Variants in ASAP1 observed in about 807,000 individuals in gnomAD.
ASAP1 encodes arf-GAP with SH3 domain, ANK repeat and PH domain-containing protein 1.
In ASAP1, 43 loss-of-function variants were observed where a neutral mutation model predicts 145.2. The ratio of observed to expected loss-of-function variants is 0.30; its 90% CI spans 0.23 to 0.38. ASAP1 has a LOEUF of 0.38. Ranked by LOEUF, ASAP1 falls within the 10% of genes least tolerant of loss-of-function variation. The pLI is 1.00. For synonymous variants in ASAP1, 546 were observed against 515.5 expected (o/e 1.06, Z -0.80); for missense variants, 1,018 against 1,355.3 (o/e 0.75, Z 3.91).
chr8:130,320,826 A>C (rs1453418563), intron 3 of ASAP1, among the ~76,000 whole-genome samples: 1 of 152,092 alleles, frequency 6.6e-6, no homozygotes, highest in African/African-American at 2.4e-5. Flanking sequence ...ATCCCAAACC[A>C]CTGATCAGAT....
chr8:130,324,319 G>A (rs762068288), intron 3 of ASAP1, among the ~76,000 whole-genome samples: 11 of 152,212 alleles, frequency 7.2e-5, no homozygotes, highest in Non-Finnish European at 1.6e-4. Flanking sequence ...TCATGGGTAA[G>A]GAAACAGCAG....
intron 25 of ASAP1, chr8:130,083,269 TTA>T (rs752940491): frequency 1.3e-5 from 2 of 152,234 alleles, no homozygotes; most frequent in Non-Finnish European, 2.9e-5. Flanking sequence ...GTGTGAGTTT[TTA>T]TGTCTCTGTA....
chr8:130,307,352 T>C (rs895547800), intron 3 of ASAP1, among the ~76,000 whole-genome samples: 8 of 144,686 alleles, frequency 5.5e-5, no homozygotes, highest in African/African-American at 1.9e-4. Flanking sequence ...TCTGATCCTG[T>C]GGCAAAAAAT....
At chr8:130,252,078 A>G (rs1819232225) in intron 3 of ASAP1, among the ~76,000 whole-genome samples, 1 of 152,212 alleles carries the variant, frequency 6.6e-6, no homozygotes, top group Admixed American at 6.5e-5. Flanking sequence ...TGTTTTATAG[A>G]AAGTTAGAAG....
At chr8:130,307,607 T>C (rs991831742) in intron 3 of ASAP1, among the ~76,000 whole-genome samples, 1 of 152,238 alleles carries the variant, frequency 6.6e-6, no homozygotes, top group African/African-American at 2.4e-5. Context: ...GAGAGAAAGA[T>C]ACACATCATC....
intron 3 of ASAP1, among the ~76,000 whole-genome samples, chr8:130,320,565 A>G (rs540429810): frequency 6.6e-6 from 1 of 152,254 alleles, no homozygotes; most frequent in South Asian, 2.1e-4. Flanking sequence ...GAAAAAGAAT[A>G]CATACATACA....
chr8:130,117,431 C>T (rs1476940506), intron 20 of ASAP1, among the ~76,000 whole-genome samples: 1 of 152,194 alleles, frequency 6.6e-6, no homozygotes, highest in African/African-American at 2.4e-5. Context: ...TATATTGTCT[C>T]TGAGGAAGAA....
chr8:130,326,163 C>G (rs779475862), intron 3 of ASAP1, among the ~76,000 whole-genome samples: 1 of 152,154 alleles, frequency 6.6e-6, no homozygotes, highest in Non-Finnish European at 1.5e-5. Flanking sequence ...TGTGATATGC[C>G]TCACTCTCAA....
chr8:130,232,623 TA>T (rs1303416589), intron 4 of ASAP1, among the ~76,000 whole-genome samples: 109 of 142,460 alleles, frequency 7.7e-4, no homozygotes, highest in African/African-American at 1.8e-3. Flanking sequence ...ACAATTTGTT[TA>T]AAAAAAAAAA....
In ASAP1 at chr8:130,093,730, TTAG is replaced by T. The variant is rs1490385181; in HGVS notation, c.2402-1590_2402-1588del. The stretch of plus-strand genomic sequence containing the variant: ...TGCCACACTGAATGTTTAACACAGA[TTAG>T]TAGATACCTAGTAATCCAGAAGGGC... On this transcript the variant is annotated intron_variant, in intron 24 of 29. Transcript: ENST00000518721. Among the ~76,000 whole-genome samples, 3 of 145,308 alleles carry T rather than the reference TTAG, an allele frequency of 2.1e-5. No homozygotes were observed. In the Admixed American group the frequency reaches 2.1e-4, roughly 10 times the overall value.
intron 3 of ASAP1, among the ~76,000 whole-genome samples, chr8:130,291,950 T>C (rs1011246572): frequency 2.0e-5 from 3 of 152,166 alleles, no homozygotes; most frequent in African/African-American, 4.8e-5. Context: ...TGCTTGTCTA[T>C]TCACTGTGAG....
intron 1 of ASAP1, among the ~76,000 whole-genome samples, chr8:130,429,899 T>C (rs1332468361): frequency 6.6e-6 from 1 of 152,230 alleles, no homozygotes; most frequent in Non-Finnish European, 1.5e-5. Context: ...TTCTCTATAA[T>C]AGCTGCCTGG....
intron 11 of ASAP1, among the ~76,000 whole-genome samples, chr8:130,161,185 G>A (rs1206169698): frequency 6.6e-6 from 1 of 152,046 alleles, no homozygotes; most frequent in Admixed American, 6.5e-5. Context: ...GCCACAAATT[G>A]TAGCAGGACT....
intron 27 of ASAP1, among the ~76,000 whole-genome samples, chr8:130,064,617 G>T (rs1428558335): frequency 1.3e-5 from 2 of 152,046 alleles, no homozygotes; most frequent in Non-Finnish European, 2.9e-5. Flanking sequence ...ATGTGTGGGG[G>T]TCTCACCCCA....
At chr8:130,112,490 G>C in intron 23 of ASAP1, 168 bp from the exon 24 acceptor site, 1 of 585,802 alleles carries the variant, frequency 1.7e-6, no homozygotes, top group South Asian at 2.1e-5. Flanking sequence ...ACAAGGGAAG[G>C]ATCTAGATAC....
chr8:130,392,087 G>A (rs551006357), intron 2 of ASAP1, among the ~76,000 whole-genome samples: 1 of 152,218 alleles, frequency 6.6e-6, no homozygotes, highest in Non-Finnish European at 1.5e-5. Flanking sequence ...GACTTCTTGA[G>A]GGGAAAGACT....
At chr8:130,332,049 C>T (rs1586846006) in intron 3 of ASAP1, among the ~76,000 whole-genome samples, 1 of 152,174 alleles carries the variant, frequency 6.6e-6, no homozygotes, top group Admixed American at 6.5e-5. Flanking sequence ...ACTATGGCTA[C>T]TATTTCAAAT....
chr8:130,097,762 ACT>A (rs35496476), intron 24 of ASAP1, among the ~76,000 whole-genome samples: 104,882 of 151,650 alleles, frequency 0.69, 36,284 homozygotes, highest in South Asian at 0.78. Flanking sequence ...ATCTCCTGAG[ACT>A]CTCTCCCAGG....
intron 25 of ASAP1, among the ~76,000 whole-genome samples, chr8:130,086,211 C>T (rs1292031119): frequency 6.6e-6 from 1 of 152,238 alleles, no homozygotes; most frequent in Non-Finnish European, 1.5e-5. Context: ...GGAGGGCTGG[C>T]TCTCAGCCAC....
Sources: gnomAD v4.1 joint callset for allele counts (sites outside exome capture counted in the v4.1 genomes callset) on GRCh38, gnomAD v4.1.1 for gene constraint, MANE v1.5 for transcripts, NCBI Gene and HGNC (gene_info 2026-07-23, HGNC 2026-07-21) for gene names.